SLC35F1: variants seen among roughly 807,000 people sequenced by gnomAD.
SLC35F1 encodes the protein chromosome 6 open reading frame 169.
SLC35F1 carries 14 observed loss-of-function variants against 48.7 expected under a neutral mutation model. The ratio of observed to expected loss-of-function variants is 0.29; its 90% CI spans 0.19 to 0.45. The LOEUF is 0.45. SLC35F1 is among the 20% of genes least tolerant of loss of function. The pLI is 1.00. For synonymous variants in SLC35F1, 190 were observed against 202.2 expected, an observed-to-expected ratio of 0.94 and a Z score of 0.51; for missense variants, 404 against 500.0, an observed-to-expected ratio of 0.81 and a Z score of 1.83.
chr6:118,071,224 A>G (rs918598556), intron 1 of SLC35F1, among the ~76,000 whole-genome samples: 2 of 148,922 alleles, frequency 1.3e-5, no homozygotes, highest in Non-Finnish European at 1.5e-5. Context: ...CTATGTGTAT[A>G]TATTTTTGAA....
chr6:118,086,564 A>G (rs1772993599), intron 1 of SLC35F1, among the ~76,000 whole-genome samples: 3 of 152,232 alleles, frequency 2.0e-5, no homozygotes, highest in South Asian at 4.1e-4. Context: ...CAGAAGAGGA[A>G]TGAAAGGTTT....
At position 118,122,161 on chromosome 6, in the gene SLC35F1, T is replaced by C. The variant is rs553750545; in HGVS notation, c.174-32284T>C. Reference sequence around the variant, plus strand: ...TGCTAACTTATTATAATTGAAGAATTTAGCATGACATTTTTGTATGTCCAA... The same window carrying C: ...TGCTAACTTATTATAATTGAAGAATCTAGCATGACATTTTTGTATGTCCAA... On this transcript the variant is annotated intron_variant, in intron 1 of 7. Coordinates refer to ENST00000360388, the MANE Select transcript of SLC35F1 (RefSeq NM_001029858.4). Among the ~76,000 whole-genome samples, 345 of 152,184 alleles carry C rather than the reference T, an allele frequency of 2.3e-3. 1 individual carries two copies. The highest frequency in any genetic ancestry group is 4.2e-3 in the Non-Finnish European group (288 of 67,998).
intron 1 of SLC35F1, among the ~76,000 whole-genome samples, chr6:117,932,718 C>T (rs1431927381): frequency 1.3e-5 from 2 of 152,104 alleles, no homozygotes; most frequent in African/African-American, 4.8e-5. Context: ...ATGAAAACAC[C>T]ATGTGGGACT....
chr6:118,160,898 ATTT>A (rs5879450), intron 2 of SLC35F1, among the ~76,000 whole-genome samples: 2 of 143,842 alleles, frequency 1.4e-5, no homozygotes, highest in African/African-American at 2.6e-5. Context: ...GTATCCTGCT[ATTT>A]TTTTTTTTTT....
chr6:118,095,321 G>T (rs4073802), intron 1 of SLC35F1, among the ~76,000 whole-genome samples: 1,695 of 152,008 alleles, frequency 0.011, 27 homozygotes, highest in African/African-American at 0.039. Context: ...TAAAAAGACC[G>T]TGGCACTCCA....
At chr6:117,934,967 C>T (rs1051951996) in intron 1 of SLC35F1, among the ~76,000 whole-genome samples, 5 of 152,156 alleles carry the variant, frequency 3.3e-5, no homozygotes, top group Non-Finnish European at 7.3e-5. Context: ...ATTAGCTGGA[C>T]ATCGTGGTGA....
rs113605943 is a variant in SLC35F1, at chr6:118,316,779, A to G, written c.*2527A>G. 8.9e-3 allele frequency: 1,361 copies of G among 152,286 alleles called. 6 individuals are homozygous for G. The highest frequency in any genetic ancestry group is 0.013 in the South Asian group (63 of 4,826). The allele number at this position is 152,286 out of a possible 1,614,324, so 9.4% of individuals were successfully genotyped here. ...GAATGTTAAGATGAATTTGCCGTAT[A>G]CCCTTTATCATTCGGTGTCCTTGTA... On this transcript the variant is annotated 3_prime_UTR_variant, in exon 8 of 8. Transcript: ENST00000360388.
chr6:118,282,441 A>G (rs1266743574), intron 6 of SLC35F1, among the ~76,000 whole-genome samples: 3 of 152,138 alleles, frequency 2.0e-5, no homozygotes, highest in East Asian at 1.9e-4. Context: ...AAATAGGTTG[A>G]GAATATTTTA....
At chr6:117,908,810 TG>T (rs1242942649) in intron 1 of SLC35F1, among the ~76,000 whole-genome samples, 2 of 152,214 alleles carry the variant, frequency 1.3e-5, no homozygotes, top group East Asian at 3.9e-4. Context: ...TGTTCTTTTT[TG>T]TTTGGATGCG....
rs1223512121 is a variant in SLC35F1, at chr6:118,212,793, A to AGG, written c.350-22716_350-22715insGG. Reference sequence around the variant, plus strand: ...AAGGAAGGAAGGAAGGAAGGAAGGAAAGAAGGAAGGGCACTTATCCAAATT... The same window carrying AGG: ...AAGGAAGGAAGGAAGGAAGGAAGGAAGGAGAAGGAAGGGCACTTATCCAAATT... On this transcript the variant is annotated intron_variant, in intron 2 of 7. Coordinates refer to ENST00000360388, the MANE Select transcript of SLC35F1 (RefSeq NM_001029858.4). Among the ~76,000 whole-genome samples the AGG allele has an allele frequency of 3.4e-4, 50 of 146,428 alleles. 1 individual carries two copies. Among genetic ancestry groups the AGG allele is most frequent in the East Asian group, 2.0e-4 (1 of 5,030 alleles).
chr6:118,149,602 A>T (rs1562305901), intron 1 of SLC35F1, among the ~76,000 whole-genome samples: 1 of 152,274 alleles, frequency 6.6e-6, no homozygotes, highest in East Asian at 1.9e-4. Context: ...TAGGAAAAAG[A>T]CTCATGAACT....
intron 1 of SLC35F1, among the ~76,000 whole-genome samples, chr6:118,018,413 C>T (rs1028456269): frequency 1.3e-5 from 2 of 152,020 alleles, no homozygotes; most frequent in East Asian, 1.9e-4. Context: ...ATAATTCCTA[C>T]CTTACAGGGT....
chr6:118,041,925 G>A (rs1212262662), intron 1 of SLC35F1, among the ~76,000 whole-genome samples: 2 of 150,006 alleles, frequency 1.3e-5, no homozygotes, highest in African/African-American at 4.9e-5. Context: ...ATTTGCTACA[G>A]CCAAACAGAC....
chr6:118,071,901 G>A (rs1158412533), intron 1 of SLC35F1, among the ~76,000 whole-genome samples: 1 of 152,142 alleles, frequency 6.6e-6, no homozygotes, highest in Non-Finnish European at 1.5e-5. Context: ...GTCACTTGCT[G>A]TGGGCTCTGT....
chr6:118,302,360 C>T (rs997807443), intron 7 of SLC35F1, among the ~76,000 whole-genome samples: 2 of 152,084 alleles, frequency 1.3e-5, no homozygotes, highest in African/African-American at 4.8e-5. Context: ...TAGTGCACCC[C>T]AGGAGGAACC....
At chr6:118,024,943 G>A (rs6901624) in intron 1 of SLC35F1, among the ~76,000 whole-genome samples, 151,403 of 152,268 alleles carry the variant, frequency 0.99, 75,278 homozygotes, top group Middle Eastern at 1. Flanking sequence ...TTTTAAATAA[G>A]ACTTTTATTT....
intron 1 of SLC35F1, among the ~76,000 whole-genome samples, chr6:117,946,364 TA>T (rs1776295288): frequency 6.6e-6 from 1 of 152,182 alleles, no homozygotes; most frequent in African/African-American, 2.4e-5. Context: ...AATTCTAAGA[TA>T]AAAAATAATG....
At chr6:118,152,196 T>A (rs1337237530) in intron 1 of SLC35F1, among the ~76,000 whole-genome samples, 2 of 152,126 alleles carry the variant, frequency 1.3e-5, no homozygotes, top group East Asian at 3.9e-4. Flanking sequence ...CGCAATGAAC[T>A]TTTTGGAAAT....
chr6:117,972,021 C>A (rs915769456), intron 1 of SLC35F1, among the ~76,000 whole-genome samples: 3 of 152,190 alleles, frequency 2.0e-5, no homozygotes, highest in African/African-American at 7.2e-5. Flanking sequence ...AAGGGTTTTT[C>A]TTTTATATCA....
Sources: gnomAD v4.1 joint callset for allele counts (sites outside exome capture counted in the v4.1 genomes callset) on GRCh38, gnomAD v4.1.1 for gene constraint, MANE v1.5 for transcripts, NCBI Gene and HGNC (gene_info 2026-07-23, HGNC 2026-07-21) for gene names.